SPMIP2: variants seen among roughly 807,000 people sequenced by gnomAD.
SPMIP2 encodes the protein sperm microtubule inner protein 2, also known as protein SPMIP2.
At chr4:159,049,162 G>A in the SPMIP2 span, among the ~76,000 whole-genome samples, 3 of 152,194 alleles carry the variant, frequency 2.0e-5, no homozygotes, top group Admixed American at 6.5e-5. Flanking sequence ...AGCAACGTCA[G>A]TTTGTGACAT....
the SPMIP2 span, among the ~76,000 whole-genome samples, chr4:159,053,709 G>C: frequency 0.35 from 53,025 of 151,862 alleles, 9,698 homozygotes; most frequent in East Asian, 0.64. Context: ...GGTTGGCAGA[G>C]ATTTCCCTTC....
chr4:158,967,592 T>C, the SPMIP2 span, among the ~76,000 whole-genome samples: 29 of 152,366 alleles, frequency 1.9e-4, no homozygotes, highest in East Asian at 4.8e-3. Flanking sequence ...GGAAGCTTTA[T>C]TATGTTTCTA....
chr4:158,982,147 G>C, the SPMIP2 span, among the ~76,000 whole-genome samples: 3 of 152,170 alleles, frequency 2.0e-5, no homozygotes, highest in African/African-American at 7.2e-5. Context: ...AAATGGTAAA[G>C]GGATCAATGC....
chr4:159,000,578 TC>T, the SPMIP2 span, among the ~76,000 whole-genome samples: 1 of 146,818 alleles, frequency 6.8e-6, no homozygotes, highest in Non-Finnish European at 1.5e-5. Flanking sequence ...CACTGCAACC[TC>T]TGCCTCCTGG....
chr4:158,959,475 A>C, the SPMIP2 span, among the ~76,000 whole-genome samples: 1 of 152,096 alleles, frequency 6.6e-6, no homozygotes, highest in Non-Finnish European at 1.5e-5. Context: ...GGCTTTTGAC[A>C]TGGGGTTTGA....
the SPMIP2 span, among the ~76,000 whole-genome samples, chr4:158,965,527 T>G: frequency 2.6e-5 from 4 of 152,186 alleles, no homozygotes; most frequent in Non-Finnish European, 5.9e-5. Flanking sequence ...TTTGCCACTG[T>G]TGTTAATTCT....
At chr4:159,023,260 C>T in the SPMIP2 span, among the ~76,000 whole-genome samples, 1 of 151,978 alleles carries the variant, frequency 6.6e-6, no homozygotes, top group Non-Finnish European at 1.5e-5. Context: ...TCATCCAATT[C>T]CTGGAGGGCA....
At chr4:158,993,503 C>A in the SPMIP2 span, among the ~76,000 whole-genome samples, 15 of 151,894 alleles carry the variant, frequency 9.9e-5, no homozygotes, top group Admixed American at 7.9e-4. Context: ...TTTCTATTTT[C>A]ATGCTATTAC....
At chr4:158,920,658 C>G in the SPMIP2 span, among the ~76,000 whole-genome samples, 29 of 152,266 alleles carry the variant, frequency 1.9e-4, 1 homozygote, top group South Asian at 5.8e-3. Flanking sequence ...GCTCTTGAAC[C>G]CTGTTTTCTA....
chr4:159,048,854 G>A, the SPMIP2 span, among the ~76,000 whole-genome samples: 1 of 149,406 alleles, frequency 6.7e-6, no homozygotes, highest in Admixed American at 6.8e-5. Flanking sequence ...ACAGATATGC[G>A]ACACCATCCT....
chr4:159,032,850 C>T, the SPMIP2 span, among the ~76,000 whole-genome samples: 1 of 144,220 alleles, frequency 6.9e-6, no homozygotes, highest in Non-Finnish European at 1.5e-5. Flanking sequence ...CACAAAGCAA[C>T]AAGGACTCTC....
At chr4:158,943,664 A>C in the SPMIP2 span, among the ~76,000 whole-genome samples, 1 of 151,946 alleles carries the variant, frequency 6.6e-6, no homozygotes. Context: ...CATACCCCAC[A>C]CTTACATGTA....
At chr4:158,898,731 T>G in the SPMIP2 span, among the ~76,000 whole-genome samples, 4 of 152,216 alleles carry the variant, frequency 2.6e-5, no homozygotes, top group African/African-American at 9.6e-5. Context: ...AAGGAGATTT[T>G]GGGCTGAAAT....
the SPMIP2 span, chr4:159,007,981 A>G: frequency 5.5e-6 from 2 of 365,658 alleles, no homozygotes; most frequent in Admixed American, 3.6e-5. Context: ...ATGCGCCTGT[A>G]GTCCCAGCTA....
At chr4:158,976,807 A>T in the SPMIP2 span, among the ~76,000 whole-genome samples, 1 of 151,698 alleles carries the variant, frequency 6.6e-6, no homozygotes, top group Non-Finnish European at 1.5e-5. Flanking sequence ...GACTACAGGC[A>T]CACACCACCA....
At chr4:159,006,430 A>G in the SPMIP2 span, among the ~76,000 whole-genome samples, 1 of 152,180 alleles carries the variant, frequency 6.6e-6, no homozygotes, top group African/African-American at 2.4e-5. Flanking sequence ...TGCAAAGTTC[A>G]TCTTGTTACT....
At chr4:158,900,826 C>T in the SPMIP2 span, among the ~76,000 whole-genome samples, 297 of 152,132 alleles carry the variant, frequency 2.0e-3, no homozygotes, top group African/African-American at 6.3e-3. Context: ...GCATTTAGCC[C>T]GTATTTGATT....
chr4:159,008,901 G>A, the SPMIP2 span, among the ~76,000 whole-genome samples: 3 of 152,218 alleles, frequency 2.0e-5, no homozygotes, highest in Admixed American at 2.0e-4. Context: ...GCAGCATTAA[G>A]TAAAACCATG....
At chr4:159,032,989 T>C in the SPMIP2 span, among the ~76,000 whole-genome samples, 1 of 152,176 alleles carries the variant, frequency 6.6e-6, no homozygotes, top group Non-Finnish European at 1.5e-5. Flanking sequence ...TGCAAAAGGC[T>C]GCACATAAAT....
Sources: allele counts gnomAD v4.1 joint callset (sites outside exome capture counted in the v4.1 genomes callset), GRCh38; gene constraint gnomAD v4.1.1; transcripts MANE v1.5; gene names NCBI Gene and HGNC (gene_info 2026-07-23, HGNC 2026-07-21).